Variants in MSH3 observed in about 807,000 individuals in gnomAD.
MSH3 encodes mutS homolog 3.
A neutral mutation model predicts 123.3 loss-of-function variants in MSH3; 106 were observed. The ratio of observed to expected loss-of-function variants is 0.86; its 90% confidence interval spans 0.73 to 1.01. The LOEUF (loss-of-function observed/expected upper bound fraction) is 1.01, where lower values mean the gene tolerates loss of function less well. Ranked by LOEUF, MSH3 falls within the 50% of genes least tolerant of loss-of-function variation. MSH3 has a pLI of 0.00. For synonymous variants in MSH3, 515 were observed against 481.4 expected (o/e 1.07, Z -0.91); for missense variants, 1,459 against 1,347.6 (o/e 1.08, Z -1.29).
chr5:80,854,577 A>G (rs1222815351), intron 21 of MSH3, among the ~76,000 whole-genome samples: 1 of 152,160 alleles, frequency 6.6e-6, no homozygotes, highest in Non-Finnish European at 1.5e-5. Context: ...CCGTTATGCA[A>G]TCCCTGCATA....
intron 20 of MSH3, among the ~76,000 whole-genome samples, chr5:80,840,371 T>A (rs963897281): frequency 1.3e-4 from 20 of 152,172 alleles, no homozygotes; most frequent in African/African-American, 4.8e-4. Flanking sequence ...TTTTTTCACT[T>A]CTTCCATTTC....
intron 8 of MSH3, among the ~76,000 whole-genome samples, chr5:80,716,312 C>G (rs576707694): frequency 1.8e-4 from 28 of 152,074 alleles, no homozygotes; most frequent in Non-Finnish European, 3.4e-4. Flanking sequence ...AGTAATTCCT[C>G]TTTATGATTT....
intron 6 of MSH3, among the ~76,000 whole-genome samples, chr5:80,673,403 C>T (rs1360362833): frequency 1.3e-5 from 2 of 152,112 alleles, no homozygotes; most frequent in Admixed American, 6.5e-5. Context: ...TTGGCACTTG[C>T]CCGTAGTCCC....
rs1458642503 is a variant in MSH3, at chr5:80,761,728, G to A, written c.1896+50G>A. 7 of 1,604,184 alleles carry A rather than the reference G, an allele frequency of 4.4e-6. No homozygotes were observed. The South Asian group carries it at 7.7e-5, about 18-fold the overall frequency. On this transcript the variant is annotated intron_variant, in intron 13 of 23. Transcript: ENST00000265081. ...AGCTGACAGTGTTCTTCAGCTTGAG[G>A]ACACTATATATTAAAAGAAAACTTT...
intron 3 of MSH3, among the ~76,000 whole-genome samples, chr5:80,665,761 TGATA>T (rs377209038): frequency 8.5e-4 from 130 of 152,348 alleles, no homozygotes; most frequent in African/African-American, 2.8e-3. Context: ...GTTGAAAGCT[TGATA>T]GATAGAAAGT....
intron 10 of MSH3, among the ~76,000 whole-genome samples, chr5:80,734,007 A>C (rs1251518822): frequency 6.6e-6 from 1 of 152,224 alleles, no homozygotes; most frequent in Non-Finnish European, 1.5e-5. Context: ...ACAAATGTTC[A>C]TAAGAGCATT....
chr5:80,674,887 A>G (rs574613410), intron 6 of MSH3, 96 bp from the exon 7 acceptor site: 2 of 1,136,850 alleles, frequency 1.8e-6, no homozygotes, highest in East Asian at 2.6e-5. Context: ...GCTGTGAACC[A>G]TTATTTTAAA....
chr5:80,746,825 T>C, intron 12 of MSH3: 1 of 329,944 alleles, frequency 3.0e-6, no homozygotes, highest in Non-Finnish European at 6.1e-6. Flanking sequence ...GCATGGTGTT[T>C]GAGCTTAAGG....
intron 20 of MSH3, among the ~76,000 whole-genome samples, chr5:80,835,636 C>T (rs781341606): frequency 2.6e-5 from 4 of 151,774 alleles, no homozygotes; most frequent in Non-Finnish European, 2.9e-5. Context: ...AATATGAGAC[C>T]GGGTATGGTG....
intron 19 of MSH3, among the ~76,000 whole-genome samples, chr5:80,810,946 A>G (rs32999): frequency 0.7 from 106,144 of 151,794 alleles, 37,158 homozygotes; most frequent in South Asian, 0.79. Flanking sequence ...TCCAATGAGC[A>G]TTTCTTTTGA....
chr5:80,692,501 T>G (rs192228465), intron 8 of MSH3, among the ~76,000 whole-genome samples: 7,708 of 73,788 alleles, frequency 0.1, 1,333 homozygotes, highest in Non-Finnish European at 0.13. Context: ...TATGTTTAGA[T>G]AGATAAACAT....
At chr5:80,777,699 C>T (rs969780538) in intron 16 of MSH3, among the ~76,000 whole-genome samples, 3 of 152,168 alleles carry the variant, frequency 2.0e-5, no homozygotes, top group Admixed American at 1.3e-4. Context: ...TGAGTTAGAA[C>T]ATCAGGAGTC....
chr5:80,720,128 C>T (rs903429803), intron 8 of MSH3, among the ~76,000 whole-genome samples: 1 of 151,958 alleles, frequency 6.6e-6, no homozygotes, highest in African/African-American at 2.4e-5. Flanking sequence ...ATACATTACT[C>T]TATTGTCTGT....
At chr5:80,844,495 G>T (rs1291698638) in intron 20 of MSH3, among the ~76,000 whole-genome samples, 1 of 152,088 alleles carries the variant, frequency 6.6e-6, no homozygotes, top group African/African-American at 2.4e-5. Flanking sequence ...TATTGATAGT[G>T]GGATGTTAAA....
At chr5:80,787,539 TTTTG>T in intron 17 of MSH3, 22 bp from the exon 18 acceptor site, 1 of 1,508,018 alleles carries the variant, frequency 6.6e-7, no homozygotes, top group Non-Finnish European at 9.2e-7. Flanking sequence ...TTGCTCACCT[TTTTG>T]TTGTTGCTGC....
intron 8 of MSH3, among the ~76,000 whole-genome samples, chr5:80,695,935 C>T (rs1750467993): frequency 6.6e-6 from 1 of 152,152 alleles, no homozygotes; most frequent in African/African-American, 2.4e-5. Context: ...TCATTTAAGC[C>T]TTCTGTTCTA....
intron 3 of MSH3, among the ~76,000 whole-genome samples, chr5:80,669,483 T>C (rs1385535501): frequency 6.6e-6 from 1 of 152,258 alleles, no homozygotes; most frequent in Non-Finnish European, 1.5e-5. Context: ...TTATGGTTCC[T>C]CACAGAAAGG....
intron 10 of MSH3, among the ~76,000 whole-genome samples, chr5:80,738,241 G>C (rs954080903): frequency 2.0e-5 from 3 of 152,156 alleles, no homozygotes; most frequent in Non-Finnish European, 4.4e-5. Flanking sequence ...CCCACCCCCT[G>C]TATACCAGGT....
intron 21 of MSH3, among the ~76,000 whole-genome samples, chr5:80,856,522 AG>A (rs1285206548): frequency 6.7e-5 from 8 of 119,110 alleles, no homozygotes; most frequent in Admixed American, 1.1e-4. Flanking sequence ...GGGCACAGGA[AG>A]GGGAACATCA....
Sources: gnomAD v4.1 joint callset for allele counts (sites outside exome capture counted in the v4.1 genomes callset) on GRCh38, gnomAD v4.1.1 for gene constraint, MANE v1.5 for transcripts, NCBI Gene and HGNC (gene_info 2026-07-23, HGNC 2026-07-21) for gene names.